ANKRD26: variants seen among roughly 807,000 people sequenced by gnomAD.
ANKRD26 encodes ankyrin repeat domain-containing protein 26.
In ANKRD26, 141 loss-of-function variants were observed where a neutral mutation model predicts 208.7. The observed-to-expected ratio is 0.68, with a 90% CI of 0.59 to 0.78. The LOEUF is 0.78. Ranked by LOEUF, ANKRD26 falls within the 30% of genes least tolerant of loss-of-function variation. The pLI is 0.00. For missense variants in ANKRD26, 1,889 were observed against 1,938.7 expected, an observed-to-expected ratio of 0.97 and a Z score of 0.48; for synonymous variants, 636 against 660.4, an observed-to-expected ratio of 0.96 and a Z score of 0.57.
downstream of ANKRD26, among the ~76,000 whole-genome samples, chr10:26,988,077 A>AG (rs2052420155): frequency 6.6e-6 from 1 of 152,184 alleles, no homozygotes; most frequent in Non-Finnish European, 1.5e-5. Context: ...TTTGTTGCAC[A>AG]GCTGATTGTC....
chr10:27,000,448 T>C (rs1018978179), downstream of ANKRD26, among the ~76,000 whole-genome samples: 3 of 152,132 alleles, frequency 2.0e-5, no homozygotes, highest in African/African-American at 4.8e-5. Context: ...ACTCCAGGAA[T>C]TGGAAAGGAT....
the ANKRD26 span, among the ~76,000 whole-genome samples, chr10:26,963,464 CTG>C: frequency 6.6e-6 from 1 of 152,184 alleles, no homozygotes; most frequent in Non-Finnish European, 1.5e-5. Context: ...ACCTGAGACT[CTG>C]TATTCTGACG....
chr10:27,014,748 T>A (rs1289791522), intron 30 of ANKRD26, 37 bp from the exon 31 acceptor site: 4 of 1,548,280 alleles, frequency 2.6e-6, no homozygotes, highest in Non-Finnish European at 3.5e-6. Flanking sequence ...TAAAAATATA[T>A]AACCTGAGTA....
chr10:27,049,450 AGT>A (rs2054573241), intron 16 of ANKRD26, among the ~76,000 whole-genome samples: 1 of 152,154 alleles, frequency 6.6e-6, no homozygotes, highest in Non-Finnish European at 1.5e-5. Flanking sequence ...TCTTTTCCCC[AGT>A]GTCTTTTATA....
intron 7 of ANKRD26, 22 bp downstream of exon 7, chr10:27,079,067 A>C (rs1287176302): frequency 2.5e-6 from 4 of 1,593,596 alleles, no homozygotes; most frequent in Non-Finnish European, 3.4e-6. Context: ...AAGAAAATTA[A>C]GTTCATGAGA....
Position 27,074,857 on chromosome 10 carries a change from G to A in ANKRD26, c.1077+2481C>T, listed in dbSNP as rs537667194. 2.6e-5 allele frequency among the ~76,000 whole-genome samples: 4 copies of A among 151,732 alleles called. No individual in the cohort carries two copies. The South Asian group carries it at 6.3e-4, about 24-fold the overall frequency. ...GAATTTTTAAAAATAACCTGTAAAG[G>A]AAAACCTATCAGACTAACAGCAGAC... On this transcript the variant is annotated intron_variant, in intron 9 of 33. Transcript: ENST00000376087.
chr10:27,066,606 A>G, intron 10 of ANKRD26, 58 bp from the exon 11 acceptor site: 1 of 1,146,738 alleles, frequency 8.7e-7, no homozygotes, highest in Admixed American at 1.8e-5. Context: ...TAAATTTTAA[A>G]TACATAATTA....
intron 5 of ANKRD26, among the ~76,000 whole-genome samples, chr10:26,992,515 A>G (rs201111421): frequency 2.2e-5 from 3 of 138,522 alleles, no homozygotes; most frequent in East Asian, 2.1e-4. Context: ...CACAGAGAGA[A>G]AAAGAGAGAG....
chr10:27,061,719 C>G, intron 12 of ANKRD26, among the ~76,000 whole-genome samples: 1 of 151,838 alleles, frequency 6.6e-6, no homozygotes, highest in East Asian at 1.9e-4. Flanking sequence ...GCCCATGCAC[C>G]ACCACGCCTA....
Position 27,093,045 on chromosome 10 carries a change from C to T in ANKRD26, c.531+304G>A, listed in dbSNP as rs150048172. Among the ~76,000 whole-genome samples the T allele has an allele frequency of 0.057, 8,587 of 151,760 alleles. 491 individuals are homozygous for T. The highest frequency in any genetic ancestry group is 0.15 in the African/African-American group (6,168 of 41,338). The stretch of plus-strand genomic sequence containing the variant: ...CAGAGGTTGCAGTGAGCCGAGATCG[C>T]GCCTCTGCACTTTAGACTGGGAGAC... On this transcript the variant is annotated intron_variant, in intron 3 of 33. Transcript: ENST00000376087.
At chr10:26,973,177 T>C (rs1300384625), downstream of ANKRD26, among the ~76,000 whole-genome samples, 1 of 152,226 alleles carries the variant, frequency 6.6e-6, no homozygotes, top group Non-Finnish European at 1.5e-5. Flanking sequence ...AAAATTTCCT[T>C]TAGTTATTAA....
rs765079619 is a variant in ANKRD26, at chr10:27,048,918, T to A, written c.1697A>T (p.Asp566Val). The A allele has an allele frequency of 3.7e-6, 6 of 1,611,884 alleles. No homozygotes were observed. ...NEMEVSANIHDGATDDAEDDD... is the reference protein window; with the variant it reads ...NEMEVSANIHVGATDDAEDDD... ...ATCTTCAGCATCATCAGTAGCACCA[T>A]CATGTATGTTTGCTGATACTTCCAT... is the stretch of plus-strand genomic sequence containing the variant. Residue 566 changes from aspartate (D) to valine (V), a missense_variant, in exon 17 of 34, where the codon GAT (aspartate) becomes GTT (valine). By Grantham distance (152) the Asp-to-Val change is radical. This residue lies in a region of ANKRD26 where 1,272 missense variants were observed against 1,273.8 expected (regional missense o/e 1.00). Coordinates refer to ENST00000376087, the MANE Select transcript of ANKRD26 (RefSeq NM_014915.3).
chr10:27,038,650 C>CAA lies in ANKRD26; in HGVS notation c.2376-598_2376-597dup, dbSNP rs370980054. Among the ~76,000 whole-genome samples, 5 of 103,108 alleles carry CAA rather than the reference C, an allele frequency of 4.8e-5. No individual in the cohort carries two copies. The East Asian group carries it at 8.1e-4, about 17-fold the overall frequency. The allele number at this position is 103,108 out of a possible 152,430, so 67.6% of individuals were successfully genotyped here. On this transcript the variant is annotated intron_variant, in intron 21 of 33. Transcript: ENST00000376087. ...TGGGCGACAGAGTGAGATTCCATCT[C>CAA]AAAAAAAAAAAAAAATCTTTTTTTA...
chr10:26,953,288 T>C, the ANKRD26 span, among the ~76,000 whole-genome samples: 1 of 152,010 alleles, frequency 6.6e-6, no homozygotes, highest in Admixed American at 6.6e-5. Context: ...CCAGGCGTGG[T>C]GGTGTGTGCC....
intron 6 of ANKRD26, chr10:27,080,901 C>G (rs1479114936): frequency 1.0e-6 from 1 of 985,444 alleles, no homozygotes. Flanking sequence ...CCCTACCCTA[C>G]ATGTCCATGA....
intron 4 of ANKRD26, among the ~76,000 whole-genome samples, chr10:26,997,925 CT>C (rs2052631996): frequency 6.6e-6 from 1 of 152,212 alleles, no homozygotes; most frequent in South Asian, 2.1e-4. Context: ...CGTCGGCCCC[CT>C]GGTCCCACTT....
chr10:27,098,969 G>C (rs1034493077), intron 1 of ANKRD26, among the ~76,000 whole-genome samples: 8 of 152,188 alleles, frequency 5.3e-5, no homozygotes, highest in Admixed American at 3.3e-4. Flanking sequence ...ATACACTTCT[G>C]TATCTATTGC....
intron 11 of ANKRD26, among the ~76,000 whole-genome samples, chr10:27,065,694 C>T (rs2055211947): frequency 6.7e-6 from 1 of 148,282 alleles, no homozygotes; most frequent in African/African-American, 2.5e-5. Context: ...CTTTAAAGTA[C>T]CAGGCATTAT....
At chr10:26,957,663 T>C in the ANKRD26 span, among the ~76,000 whole-genome samples, 1 of 152,204 alleles carries the variant, frequency 6.6e-6, no homozygotes, top group Admixed American at 6.5e-5. Flanking sequence ...TCCTGTAAGC[T>C]AGATAAGATT....
Sources: allele counts gnomAD v4.1 joint callset (sites outside exome capture counted in the v4.1 genomes callset), GRCh38; gene constraint gnomAD v4.1.1; regional missense constraint gnomAD v4.1.1; transcripts MANE v1.5; gene names NCBI Gene and HGNC (gene_info 2026-07-23, HGNC 2026-07-21).